WDPCP: variants seen among roughly 807,000 people sequenced by gnomAD.
WDPCP encodes WD repeat containing planar cell polarity effector.
A neutral mutation model predicts 93.1 loss-of-function variants in WDPCP; 71 were observed. The observed-to-expected ratio is 0.76, with a 90% confidence interval of 0.63 to 0.93. The LOEUF (loss-of-function observed/expected upper bound fraction) is 0.93, where lower values mean the gene tolerates loss of function less well. Ranked by LOEUF, WDPCP falls within the 40% of genes least tolerant of loss-of-function variation. The pLI, the probability that WDPCP is intolerant of heterozygous loss-of-function variation, is 0.00. For synonymous variants in WDPCP, 315 were observed against 315.0 expected (o/e 1.00, Z 0.00); for missense variants, 844 against 887.4 (o/e 0.95, Z 0.62).
intron 6 of WDPCP, among the ~76,000 whole-genome samples, chr2:63,464,390 T>C (rs1323804833): frequency 6.6e-6 from 1 of 152,130 alleles, no homozygotes; most frequent in Non-Finnish European, 1.5e-5. Context: ...AGATCTAGTG[T>C]TAGCAAAGAT....
intron 3 of WDPCP, chr2:63,597,518 A>G: frequency 6.6e-7 from 1 of 1,508,412 alleles, no homozygotes; most frequent in Non-Finnish European, 8.9e-7. Flanking sequence ...AGCAAATGTG[A>G]AAATCTTCAA....
chr2:63,381,356 G>A (rs1183476207), intron 11 of WDPCP, among the ~76,000 whole-genome samples: 1 of 151,952 alleles, frequency 6.6e-6, no homozygotes, highest in Non-Finnish European at 1.5e-5. Flanking sequence ...TTGGGCAAAG[G>A]TAAGGAAATC....
At chr2:63,392,218 T>C (rs1575312123) in intron 10 of WDPCP, among the ~76,000 whole-genome samples, 1 of 151,932 alleles carries the variant, frequency 6.6e-6, no homozygotes, top group South Asian at 2.1e-4. Context: ...ACAGAGGCCT[T>C]GGAAATAACA....
At chr2:63,143,739 T>C (rs543153827) in intron 17 of WDPCP, among the ~76,000 whole-genome samples, 1 of 152,318 alleles carries the variant, frequency 6.6e-6, no homozygotes, top group Non-Finnish European at 1.5e-5. Context: ...CTGATAATTG[T>C]TTTGTTTGAG....
intron 3 of WDPCP, among the ~76,000 whole-genome samples, chr2:63,600,858 T>G (rs1709405549): frequency 6.6e-6 from 1 of 152,202 alleles, no homozygotes; most frequent in Non-Finnish European, 1.5e-5. Context: ...ATGTTACAGT[T>G]GCAAACTCTG....
intron 2 of WDPCP, among the ~76,000 whole-genome samples, chr2:63,720,268 T>G (rs1449126065): frequency 6.6e-6 from 1 of 151,872 alleles, no homozygotes; most frequent in Admixed American, 6.6e-5. Context: ...ACAAAAAAAT[T>G]TAGCCAGGTA....
At chr2:63,825,619 C>A (rs1671101938) in intron 1 of WDPCP, among the ~76,000 whole-genome samples, 1 of 151,956 alleles carries the variant, frequency 6.6e-6, no homozygotes, top group South Asian at 2.1e-4. Flanking sequence ...TTTATACATC[C>A]AGTGCAGATT....
intron 1 of WDPCP, among the ~76,000 whole-genome samples, chr2:63,575,489 A>ACTGTATATACAGTGTATGCACT (rs1257278044): frequency 1.2e-4 from 2 of 17,288 alleles, no homozygotes; most frequent in African/African-American, 3.3e-4. Flanking sequence ...GTGTATATAT[A>ACTGTATATACAGTGTATGCACT]GTATATACAG....
At chr2:63,702,817 C>T (rs2103714429) in intron 2 of WDPCP, among the ~76,000 whole-genome samples, 1 of 151,906 alleles carries the variant, frequency 6.6e-6, no homozygotes, top group South Asian at 2.1e-4. Context: ...GTGTGCTGCA[C>T]CGATTAACTC....
intron 3 of WDPCP, among the ~76,000 whole-genome samples, chr2:63,609,504 A>G (rs1249517071): frequency 6.6e-6 from 1 of 152,328 alleles, no homozygotes; most frequent in East Asian, 1.9e-4. Flanking sequence ...TCCACTTTAT[A>G]TAAGCCAGAA....
intron 9 of WDPCP, among the ~76,000 whole-genome samples, chr2:63,412,620 C>G (rs187273511): frequency 6.6e-6 from 1 of 152,154 alleles, no homozygotes; most frequent in East Asian, 1.9e-4. Context: ...TGATTGTTTA[C>G]CTTGAAAACT....
chr2:63,373,235 T>C (rs1451500298), intron 12 of WDPCP, among the ~76,000 whole-genome samples: 1 of 144,892 alleles, frequency 6.9e-6, no homozygotes, highest in African/African-American at 2.5e-5. Flanking sequence ...TAAATTTTCT[T>C]TGTTTTCATT....
At chr2:63,350,976 TTTATTA>T (rs3048702) in intron 12 of WDPCP, among the ~76,000 whole-genome samples, 1 of 147,832 alleles carries the variant, frequency 6.8e-6, no homozygotes, top group East Asian at 2.0e-4. Context: ...TCAACATTTA[TTTATTA>T]TTATTATTAT....
At chr2:63,283,753 G>A (rs1683753996) in intron 13 of WDPCP, among the ~76,000 whole-genome samples, 1 of 152,226 alleles carries the variant, frequency 6.6e-6, no homozygotes, top group African/African-American at 2.4e-5. Flanking sequence ...AATTAGGGTT[G>A]TGACTTTTTG....
chr2:63,800,709 A>G (rs1670682579), intron 2 of WDPCP, among the ~76,000 whole-genome samples: 1 of 152,206 alleles, frequency 6.6e-6, no homozygotes, highest in African/African-American at 2.4e-5. Context: ...TTCTTGGAAA[A>G]CAGTGCACCT....
the WDPCP span, among the ~76,000 whole-genome samples, chr2:63,833,081 C>A: frequency 1.3e-5 from 2 of 152,054 alleles, no homozygotes; most frequent in African/African-American, 4.8e-5. Context: ...GGTGAAACTC[C>A]ATCTCTACTA....
At chr2:63,840,095 T>C in the WDPCP span, among the ~76,000 whole-genome samples, 1 of 152,250 alleles carries the variant, frequency 6.6e-6, no homozygotes, top group Admixed American at 6.5e-5. Context: ...ATTACCGTAC[T>C]TGTTTATTGA....
At chr2:63,520,129 G>C (rs2106154373) in intron 1 of WDPCP, among the ~76,000 whole-genome samples, 1 of 152,192 alleles carries the variant, frequency 6.6e-6, no homozygotes, top group Middle Eastern at 3.4e-3. Context: ...ACTGAGGAAA[G>C]AATCTCAGAG....
At chr2:63,446,379 C>T (rs1020757733) in intron 6 of WDPCP, among the ~76,000 whole-genome samples, 5 of 152,280 alleles carry the variant, frequency 3.3e-5, no homozygotes, top group African/African-American at 1.2e-4. Flanking sequence ...ATTTTGGCCA[C>T]CAGGAGACAT....
Sources: gnomAD v4.1 joint callset for allele counts (sites outside exome capture counted in the v4.1 genomes callset) on GRCh38, gnomAD v4.1.1 for gene constraint, MANE v1.5 for transcripts, NCBI Gene and HGNC (gene_info 2026-07-23, HGNC 2026-07-21) for gene names.